Variants in HEATR5A observed in about 807,000 individuals in gnomAD.
HEATR5A encodes HEAT repeat containing 5A.
Under a neutral mutation model 218.8 loss-of-function variants are expected in HEATR5A, and 178 were observed. That is an observed-to-expected ratio of 0.81 (90% CI 0.72 to 0.92). The LOEUF is 0.92. Among genes scored for constraint, HEATR5A ranks in the 40% least tolerant of loss-of-function variants. The probability of loss-of-function intolerance (pLI) is 0.00; values close to 1 mark genes in which losing one functional copy is unlikely to be tolerated. For synonymous variants in HEATR5A, 864 were observed against 871.6 expected (o/e 0.99, Z 0.15); for missense variants, 2,420 against 2,418.9 (o/e 1.00, Z -0.01).
intron 21 of HEATR5A, 67 bp downstream of exon 21, chr14:31,343,829 G>T: frequency 1.6e-6 from 2 of 1,263,210 alleles, no homozygotes; most frequent in Non-Finnish European, 2.2e-6. Context: ...TAATTAAAAT[G>T]TGTACTGGAA....
At chr14:31,333,760 G>C (rs1199412942) in intron 22 of HEATR5A, among the ~76,000 whole-genome samples, 1 of 151,938 alleles carries the variant, frequency 6.6e-6, no homozygotes, top group Non-Finnish European at 1.5e-5. Context: ...GGCCAGGCAT[G>C]GTGGCTCACA....
chr14:31,400,844 G>T (rs921065895), intron 2 of HEATR5A, among the ~76,000 whole-genome samples: 3 of 137,948 alleles, frequency 2.2e-5, no homozygotes, highest in South Asian at 2.3e-4. Flanking sequence ...TATTATTATT[G>T]TTTTTTTTTT....
intron 23 of HEATR5A, chr14:31,325,853 A>G (rs1900250960): frequency 3.0e-6 from 1 of 337,652 alleles, no homozygotes; most frequent in African/African-American, 2.2e-5. Context: ...AAATGATGGG[A>G]ACAATATACA....
intron 1 of HEATR5A, among the ~76,000 whole-genome samples, chr14:31,410,792 T>C (rs111992708): frequency 0.011 from 1,658 of 152,218 alleles, 25 homozygotes; most frequent in African/African-American, 0.037. Flanking sequence ...TACAATAAAA[T>C]ACTTTAAAAT....
intron 6 of HEATR5A, among the ~76,000 whole-genome samples, chr14:31,393,700 T>C (rs1291621715): frequency 6.6e-6 from 1 of 152,090 alleles, no homozygotes. Context: ...TTGTCCAGGC[T>C]GAGATTGTGC....
At chr14:31,418,097 A>C (rs2031515707) in intron 1 of HEATR5A, among the ~76,000 whole-genome samples, 1 of 151,806 alleles carries the variant, frequency 6.6e-6, no homozygotes, top group South Asian at 2.1e-4. Context: ...ACTCCCAGCT[A>C]CTCGGGAGGC....
intron 9 of HEATR5A, among the ~76,000 whole-genome samples, chr14:31,384,212 G>A (rs2030111210): frequency 6.6e-6 from 1 of 152,078 alleles, no homozygotes; most frequent in African/African-American, 2.4e-5. Context: ...GGAGGCCAAG[G>A]CAGGCAGACT....
chr14:31,322,448 C>T (rs1900136925), intron 24 of HEATR5A, among the ~76,000 whole-genome samples: 1 of 152,186 alleles, frequency 6.6e-6, no homozygotes, highest in Non-Finnish European at 1.5e-5. Flanking sequence ...ATACCTAATT[C>T]ATACTCAGAC....
At chr14:31,331,396 A>T (rs765529258) in intron 22 of HEATR5A, among the ~76,000 whole-genome samples, 1 of 152,172 alleles carries the variant, frequency 6.6e-6, no homozygotes, top group Admixed American at 6.5e-5. Flanking sequence ...TCCTCAACTC[A>T]ATCTAAGACC....
intron 1 of HEATR5A, among the ~76,000 whole-genome samples, chr14:31,403,288 C>T (rs944463625): frequency 6.6e-6 from 1 of 152,084 alleles, no homozygotes; most frequent in Non-Finnish European, 1.5e-5. Flanking sequence ...TATGCAAAAA[C>T]TTGCTAAACA....
chr14:31,344,123 A>G, intron 20 of HEATR5A, 58 bp from the exon 21 acceptor site: 1 of 1,021,164 alleles, frequency 9.8e-7, no homozygotes, highest in East Asian at 2.8e-5. Flanking sequence ...TACTCTTTAA[A>G]CATATATTAC....
In HEATR5A at chr14:31,306,809, A is replaced by G. The variant is rs1405548228; in HGVS notation, c.4889T>C (p.Leu1630Ser). 1 of 1,613,736 alleles carries G rather than the reference A, an allele frequency of 6.2e-7. No homozygotes were observed. The highest frequency in any genetic ancestry group is 1.7e-5 in the Admixed American group (1 of 60,002). Residue 1630 changes from leucine (L) to serine (S), a missense_variant, in exon 31 of 36, where the codon TTG becomes TCG. Leu to Ser is a moderately radical substitution (Grantham distance 145). Transcript: ENST00000543095. Reference sequence around the variant, plus strand: ...CTGCCTTACCACTTCAAGTGAAGCCAACTGAATGGAAGGTGATTCTCTGGT... The same window carrying G: ...CTGCCTTACCACTTCAAGTGAAGCCGACTGAATGGAAGGTGATTCTCTGGT... ...ILTRESPSIQ[L>S]ASLEVVRQII...
chr14:31,298,664 C>CAG (rs140219983), intron 33 of HEATR5A, among the ~76,000 whole-genome samples: 15,263 of 152,016 alleles, frequency 0.1, 1,378 homozygotes, highest in East Asian at 0.27. Context: ...CTCATATTGG[C>CAG]AGAGGTCAAT....
In HEATR5A at chr14:31,326,231, G is replaced by A. The variant is rs766218722; in HGVS notation, c.3479C>T (p.Thr1160Ile). Reference protein sequence around the residue: ...DIKETLNYMLTSMAVEKLSLW... With the variant: ...DIKETLNYMLISMAVEKLSLW... ...GGAGAGTTTTTCCACTGCCATAGATGTAAGCATATAATTTAAAGTCTCTTT... is the reference window on the plus strand; with the variant it reads ...GGAGAGTTTTTCCACTGCCATAGATATAAGCATATAATTTAAAGTCTCTTT... Residue 1160 changes from threonine (T) to isoleucine (I), a missense_variant, in exon 23 of 36, where the codon ACA becomes ATA. Thr to Ile is a moderately conservative substitution (Grantham distance 89, BLOSUM62 -1). Coordinates refer to ENST00000543095, the MANE Select transcript of HEATR5A (RefSeq NM_015473.4). 3.1e-6 allele frequency: 5 copies of A among 1,613,010 alleles called. No individual in the cohort carries two copies. Among genetic ancestry groups the A allele is most frequent in the Non-Finnish European group, 4.2e-6 (5 of 1,179,182 alleles).
chr14:31,401,802 C>T (rs2030888195), intron 2 of HEATR5A, among the ~76,000 whole-genome samples: 1 of 152,210 alleles, frequency 6.6e-6, no homozygotes, highest in Admixed American at 6.5e-5. Context: ...TAATGGCTAC[C>T]TGTTTTATTC....
intron 11 of HEATR5A, among the ~76,000 whole-genome samples, chr14:31,376,163 A>G (rs544498492): frequency 6.6e-6 from 1 of 152,300 alleles, no homozygotes; most frequent in South Asian, 2.1e-4. Context: ...ATAAATGGGG[A>G]GAATAATAGT....
At chr14:31,326,888 A>G (rs1347196152) in intron 22 of HEATR5A, among the ~76,000 whole-genome samples, 1 of 151,298 alleles carries the variant, frequency 6.6e-6, no homozygotes, top group African/African-American at 2.4e-5. Flanking sequence ...GAGGCGATCC[A>G]CCCATCTCAG....
intron 13 of HEATR5A, among the ~76,000 whole-genome samples, chr14:31,369,112 C>CA (rs1901919976): frequency 6.6e-6 from 1 of 151,816 alleles, no homozygotes; most frequent in Non-Finnish European, 1.5e-5. Context: ...GTCTAGGCAA[C>CA]ATAGTGAGGC....
At chr14:31,411,469 G>A (rs1189813894) in intron 1 of HEATR5A, among the ~76,000 whole-genome samples, 3 of 152,166 alleles carry the variant, frequency 2.0e-5, no homozygotes, top group Non-Finnish European at 4.4e-5. Context: ...CATGTTAAGA[G>A]AAACCTTCAG....
Sources: allele counts gnomAD v4.1 joint callset (sites outside exome capture counted in the v4.1 genomes callset), GRCh38; gene constraint gnomAD v4.1.1; transcripts MANE v1.5; gene names NCBI Gene and HGNC (gene_info 2026-07-23, HGNC 2026-07-21).